Variants in LYPD6B observed in about 807,000 individuals in gnomAD.
LYPD6B encodes the protein ly6/PLAUR domain-containing protein 6B.
LYPD6B carries 17 observed loss-of-function variants against 22.8 expected under a neutral mutation model. That is an observed-to-expected ratio of 0.75 (90% CI 0.51 to 1.12). LYPD6B has a LOEUF of 1.12. Ranked by LOEUF, LYPD6B falls within the 50% of genes most tolerant of loss-of-function variation. The pLI is 0.00. For synonymous variants in LYPD6B, 106 were observed against 91.6 expected, an observed-to-expected ratio of 1.16 and a Z score of -0.90; for missense variants, 221 against 258.3, an observed-to-expected ratio of 0.86 and a Z score of 0.99.
intron 3 of LYPD6B, among the ~76,000 whole-genome samples, chr2:149,175,074 T>TGG (rs70994562): frequency 0.08 from 11,869 of 148,228 alleles, 569 homozygotes; most frequent in African/African-American, 0.14. Flanking sequence ...TGTGTGTGTG[T>TGG]GTGTGTGTGT....
At chr2:149,123,105 T>C (rs1028164787) in intron 1 of LYPD6B, among the ~76,000 whole-genome samples, 3 of 151,992 alleles carry the variant, frequency 2.0e-5, no homozygotes, top group African/African-American at 7.2e-5. Context: ...GAAGGGAAGG[T>C]GGCAGGAGGA....
chr2:149,204,174 A>T (rs539477952), intron 3 of LYPD6B, among the ~76,000 whole-genome samples: 37 of 152,356 alleles, frequency 2.4e-4, no homozygotes, highest in African/African-American at 8.7e-4. Context: ...TTTGACGCTC[A>T]CATTTACCTA....
chr2:149,174,027 A>G (rs1691065105), intron 3 of LYPD6B, among the ~76,000 whole-genome samples: 1 of 152,318 alleles, frequency 6.6e-6, no homozygotes, highest in Admixed American at 6.5e-5. Context: ...TTCCATGACC[A>G]TGGAATGTTT....
At chr2:149,103,945 T>G (rs1286096789) in intron 1 of LYPD6B, among the ~76,000 whole-genome samples, 1 of 151,648 alleles carries the variant, frequency 6.6e-6, no homozygotes, top group Non-Finnish European at 1.5e-5. Context: ...CCCAGCTAAT[T>G]TTTTATATTT....
In LYPD6B at chr2:149,174,886, G is replaced by A. The variant is rs555369248; in HGVS notation, c.77+14051G>A. On this transcript the variant is annotated intron_variant, in intron 3 of 6. Transcript: ENST00000409642. Reference sequence around the variant, plus strand: ...TGTGCCGCAAACCACCATGGCACACGTTTACCTGTGTAACAAACCTGCACA... The same window carrying A: ...TGTGCCGCAAACCACCATGGCACACATTTACCTGTGTAACAAACCTGCACA... Among the ~76,000 whole-genome samples the A allele has an allele frequency of 2.0e-4, 30 of 151,996 alleles. No homozygotes were observed. The South Asian group carries it at 3.1e-3, about 16-fold the overall frequency.
At chr2:149,062,218 C>T (rs1371601610) in intron 1 of LYPD6B, among the ~76,000 whole-genome samples, 1 of 152,164 alleles carries the variant, frequency 6.6e-6, no homozygotes, top group Non-Finnish European at 1.5e-5. Flanking sequence ...AACTCCCAAC[C>T]TCAGGTGATC....
At chr2:149,074,251 T>G (rs1488243126) in intron 1 of LYPD6B, among the ~76,000 whole-genome samples, 1 of 141,582 alleles carries the variant, frequency 7.1e-6, no homozygotes, top group Non-Finnish European at 1.6e-5. Context: ...TGCACACACA[T>G]GCATACACGC....
chr2:149,193,105 C>A (rs1692599523), intron 3 of LYPD6B, among the ~76,000 whole-genome samples: 1 of 152,156 alleles, frequency 6.6e-6, no homozygotes, highest in Non-Finnish European at 1.5e-5. Context: ...ACATCCCATA[C>A]ACTGTGAACA....
chr2:149,171,901 C>A (rs1355941567), intron 3 of LYPD6B, among the ~76,000 whole-genome samples: 1 of 152,168 alleles, frequency 6.6e-6, no homozygotes, highest in Non-Finnish European at 1.5e-5. Context: ...TGCATGTCTT[C>A]AATTCAAGCA....
intron 1 of LYPD6B, among the ~76,000 whole-genome samples, chr2:149,079,115 G>A (rs1164080750): frequency 6.6e-6 from 1 of 150,454 alleles, no homozygotes; most frequent in Admixed American, 6.6e-5. Context: ...ACCATGGTGT[G>A]AATTACCTCT....
At chr2:149,047,892 T>G (rs1160456708) in intron 1 of LYPD6B, among the ~76,000 whole-genome samples, 2 of 152,162 alleles carry the variant, frequency 1.3e-5, no homozygotes, top group Non-Finnish European at 2.9e-5. Context: ...GATTTTTTCC[T>G]TTGCTGTATC....
chr2:149,179,926 T>G (rs1166128956), intron 3 of LYPD6B, among the ~76,000 whole-genome samples: 3 of 152,238 alleles, frequency 2.0e-5, no homozygotes, highest in African/African-American at 7.2e-5. Context: ...CAGCCATATC[T>G]TCAGGAGACA....
intron 3 of LYPD6B, chr2:149,204,942 TA>T (rs1241769655): frequency 8.0e-6 from 2 of 250,986 alleles, no homozygotes; most frequent in Non-Finnish European, 1.5e-5. Context: ...GGAAACCAGC[TA>T]GCCGCAGTCA....
Position 149,052,569 on chromosome 2 carries a change from G to A in LYPD6B, c.-67+13768G>A, listed in dbSNP as rs76512570. Among the ~76,000 whole-genome samples, 1,002 of 152,274 alleles carry A rather than the reference G, an allele frequency of 6.6e-3. 26 individuals carry two copies. In the East Asian group the frequency reaches 0.091, roughly 14 times the overall value. ...TTGCTGAACTTCAGGTAAGGACACT[G>A]GGAGTCTGTGGTCTTGTCTGGGGCT... On this transcript the variant is annotated intron_variant, in intron 1 of 6. Transcript: ENST00000409642.
chr2:149,098,214 GACTTAAATTT>G lies in LYPD6B; in HGVS notation c.-66-32668_-66-32659del, dbSNP rs1219257369. On this transcript the variant is annotated intron_variant, in intron 1 of 6. Coordinates refer to ENST00000409642, the MANE Select transcript of LYPD6B (RefSeq NM_177964.5). ...TCTGAGTTCAATTTTGAATCTCTAA[GACTTAAATTT>G]TCTTAAGTTTCTCTAACTTTTACAT... Among the ~76,000 whole-genome samples, 6 of 138,058 alleles carry G rather than the reference GACTTAAATTT, an allele frequency of 4.3e-5. No homozygotes were observed. In the Admixed American group the frequency reaches 4.6e-4, roughly 11 times the overall value. 90.6% of individuals were successfully genotyped at this position (138,058 alleles called of 152,430 possible).
At chr2:149,060,678 G>A (rs897115040) in intron 1 of LYPD6B, among the ~76,000 whole-genome samples, 5 of 152,102 alleles carry the variant, frequency 3.3e-5, no homozygotes, top group African/African-American at 9.7e-5. Flanking sequence ...AGCTGTCAGG[G>A]GTAAGAGGAA....
At chr2:149,048,732 G>T (rs1683420535) in intron 1 of LYPD6B, among the ~76,000 whole-genome samples, 1 of 152,106 alleles carries the variant, frequency 6.6e-6, no homozygotes, top group African/African-American at 2.4e-5. Context: ...GTTCTTTTCA[G>T]TTCTCTACAT....
chr2:149,083,565 T>C (rs1473142125), intron 1 of LYPD6B, among the ~76,000 whole-genome samples: 1 of 152,102 alleles, frequency 6.6e-6, no homozygotes, highest in Admixed American at 6.6e-5. Context: ...ACATTATGGG[T>C]TTCTTGATGG....
At chr2:149,048,202 A>T (rs1184171885) in intron 1 of LYPD6B, among the ~76,000 whole-genome samples, 1 of 152,140 alleles carries the variant, frequency 6.6e-6, no homozygotes, top group Non-Finnish European at 1.5e-5. Context: ...ATAACTAGAC[A>T]TCTTATATAG....
Sources: allele counts gnomAD v4.1 joint callset (sites outside exome capture counted in the v4.1 genomes callset), GRCh38; gene constraint gnomAD v4.1.1; transcripts MANE v1.5; gene names NCBI Gene and HGNC (gene_info 2026-07-23, HGNC 2026-07-21).